Variants in PIKFYVE observed in about 807,000 individuals in gnomAD.
The protein encoded by PIKFYVE is 1-phosphatidylinositol 3-phosphate 5-kinase.
A neutral mutation model predicts 257.9 loss-of-function variants in PIKFYVE; 122 were observed. The observed-to-expected ratio is 0.47, with a 90% CI of 0.41 to 0.55. The LOEUF is 0.55. Among genes scored for constraint, PIKFYVE ranks in the 20% least tolerant of loss-of-function variants. The pLI is 0.00. For missense variants in PIKFYVE, 2,160 were observed against 2,536.6 expected (o/e 0.85, Z 3.19); for synonymous variants, 892 against 868.9 (o/e 1.03, Z -0.47).
intron 34 of PIKFYVE, among the ~76,000 whole-genome samples, 173 bp from the exon 35 acceptor site, chr2:208,347,686 G>A (rs1699356268): frequency 6.6e-6 from 1 of 152,142 alleles, no homozygotes; most frequent in Non-Finnish European, 1.5e-5. Context: ...AAAACAACAT[G>A]TGAAACAATA....
intron 32 of PIKFYVE, 145 bp downstream of exon 32, chr2:208,342,794 CTTTTTTTT>C: frequency 2.6e-6 from 1 of 379,022 alleles, no homozygotes; most frequent in Non-Finnish European, 4.7e-6. Context: ...ATAGCTTGTT[CTTTTTTTT>C]TTTTTTTTTT....
chr2:208,287,127 C>G (rs1209796878), intron 6 of PIKFYVE, among the ~76,000 whole-genome samples: 1 of 151,910 alleles, frequency 6.6e-6, no homozygotes, highest in Admixed American at 6.6e-5. Flanking sequence ...CACAAAACTA[C>G]TACACTGTCT....
In PIKFYVE at chr2:208,325,600, T is replaced by C. The variant is rs770965946; in HGVS notation, c.2789T>C (p.Leu930Pro). The C allele has an allele frequency of 6.2e-7, 1 of 1,614,058 alleles. No homozygotes were observed. The highest frequency in any genetic ancestry group is 8.5e-7 in the Non-Finnish European group (1 of 1,179,956). Residue 930 changes from leucine (L) to proline (P), a missense_variant, in exon 20 of 42, where the codon CTG becomes CCG. By Grantham distance (98) the Leu-to-Pro change is moderately conservative. This residue lies in a region of PIKFYVE where 522 missense variants were observed against 514.6 expected (regional missense o/e 1.01). Transcript: ENST00000264380. ...CTGCCCTGTGATGATAGCAGTTTGC[T>C]GGAATTGAGGATTGTGTTTGAGAAG... ...ESLPCDDSSL[L>P]ELRIVFEKGE...
intron 1 of PIKFYVE, among the ~76,000 whole-genome samples, chr2:208,267,887 T>C (rs1159527541): frequency 2.0e-5 from 3 of 152,016 alleles, no homozygotes; most frequent in African/African-American, 7.2e-5. Flanking sequence ...CAAGGGATTC[T>C]CCTGCCTCGG....
rs774094432 is a variant in PIKFYVE, at chr2:208,351,422, C to T, written c.5682C>T (p.Tyr1894=). ...CCTTCCTCGACTTTGCACCACATTA[C>T]TTCAATTATATTACAAATGCTGTTC... ...VQSFLDFAPH[Y]FNYITNAVQQ... is the part of the protein sequence containing the mutation. Residue 1894 remains tyrosine (Y), a synonymous_variant, in exon 38 of 42, where the codon TAC becomes TAT. Transcript: ENST00000264380. 6.2e-7 allele frequency: 1 copy of T among 1,612,800 alleles called. No individual in the cohort carries two copies. Among genetic ancestry groups the T allele is most frequent in the South Asian group, 1.1e-5 (1 of 91,050 alleles).
intron 14 of PIKFYVE, 36 bp from the exon 15 acceptor site, chr2:208,315,157 A>G: frequency 6.4e-7 from 1 of 1,556,988 alleles, no homozygotes; most frequent in South Asian, 1.1e-5. Context: ...TGGCAGTATT[A>G]ACTATGCAAA....
chr2:208,352,303 C>T (rs1251468217), intron 38 of PIKFYVE, among the ~76,000 whole-genome samples: 1 of 152,052 alleles, frequency 6.6e-6, no homozygotes, highest in Non-Finnish European at 1.5e-5. Context: ...CCCCCCACCC[C>T]ATCCCAACTG....
At position 208,347,915 on chromosome 2, in the gene PIKFYVE, G is replaced by A. The variant is rs200287611; in HGVS notation, c.5266G>A (p.Asp1756Asn). Residue 1756 changes from aspartate (D) to asparagine (N), a missense_variant, in exon 35 of 42, where the codon GAT becomes AAT. Physicochemically the swap from Asp to Asn is conservative, Grantham distance 23. Transcript: ENST00000264380. ...CAGAGGGACAGCAGGGAAAAGCCCC[G>A]ATCTCTCTTCCCAGAAGAGAGAGAC... ...FFRGTAGKSP[D>N]LSSQKRETLR... 7 of 1,613,750 alleles carry A rather than the reference G, an allele frequency of 4.3e-6. No individual in the cohort carries two copies. Among genetic ancestry groups the A allele is most frequent in the African/African-American group, 1.3e-5 (1 of 74,904 alleles).
chr2:208,346,840 G>C (rs982875387), intron 34 of PIKFYVE, among the ~76,000 whole-genome samples: 1 of 152,122 alleles, frequency 6.6e-6, no homozygotes, highest in African/African-American at 2.4e-5. Context: ...ATTCCTTTAC[G>C]TTTTCCTCAT....
chr2:208,313,550 G>T (rs1274920861), intron 13 of PIKFYVE, among the ~76,000 whole-genome samples: 3 of 150,022 alleles, frequency 2.0e-5, no homozygotes, highest in African/African-American at 7.3e-5. Flanking sequence ...CCAGCATTCA[G>T]ATTTCTGTTG....
At chr2:208,305,989 C>T (rs899283356) in intron 12 of PIKFYVE, among the ~76,000 whole-genome samples, 19 of 152,094 alleles carry the variant, frequency 1.2e-4, no homozygotes, top group South Asian at 4.1e-4. Flanking sequence ...CACTCTATTT[C>T]GAGCCTAAGA....
In PIKFYVE at chr2:208,329,909, T is replaced by G. The variant is rs780121462; in HGVS notation, c.3787T>G (p.Phe1263Val). The change falls in exon 22 of 42, where the codon TTC (phenylalanine) becomes GTC (valine). Residue 1263 changes from phenylalanine to valine, a missense_variant. Phe to Val is a conservative substitution (Grantham distance 50). Around this residue, in one of 12 missense-constraint regions of PIKFYVE, gnomAD observed 55 missense variants for 103.0 expected, o/e 0.53. Coordinates refer to ENST00000264380, the MANE Select transcript of PIKFYVE (RefSeq NM_015040.4). ...AGGAATATTTTTAGAGAGATACTGT[T>G]TCAGGTAAGAACATATTTCTTCCTT... is the stretch of plus-strand genomic sequence containing the variant. Reference protein sequence around the residue: ...TLGIFLERYCFRPSYQCPSMF... With the variant: ...TLGIFLERYCVRPSYQCPSMF... The G allele has an allele frequency of 6.2e-7, 1 of 1,610,526 alleles. No homozygotes were observed. Among genetic ancestry groups the G allele is most frequent in the Non-Finnish European group, 8.5e-7 (1 of 1,177,672 alleles).
chr2:208,273,569 G>A lies in PIKFYVE; in HGVS notation c.173-15G>A, dbSNP rs377539776. ...TCTCAGTCTTTAAATAATGCCAAGC[G>A]TTCCCTTGCTACAGAGAGAGCAGAA... On this transcript the variant is annotated splice_polypyrimidine_tract_variant and intron_variant, in intron 2 of 41. Transcript: ENST00000264380. 44 of 1,614,008 alleles carry A rather than the reference G, an allele frequency of 2.7e-5. No homozygotes were observed. Among genetic ancestry groups the A allele is most frequent in the Middle Eastern group, 1.7e-4 (1 of 6,058 alleles).
chr2:208,287,954 T>C (rs1691801567), intron 6 of PIKFYVE, among the ~76,000 whole-genome samples: 1 of 152,132 alleles, frequency 6.6e-6, no homozygotes, highest in African/African-American at 2.4e-5. Context: ...TTTTATACCT[T>C]ACATATATTT....
In PIKFYVE at chr2:208,336,063, C is replaced by G. The variant is rs1467077814; in HGVS notation, c.4383C>G (p.Phe1461Leu). 6.2e-7 allele frequency: 1 copy of G among 1,613,998 alleles called. No homozygotes were observed. Among genetic ancestry groups the G allele is most frequent in the South Asian group, 1.1e-5 (1 of 91,078 alleles). ...FAQKEMEEGE[F>L]KNWIEKMQAR... is the part of the protein sequence containing the mutation. Reference sequence around the variant, plus strand: ...CCTTGTAGATGGAAGAAGGTGAGTTCAAGAACTGGATTGAGAAGATGCAAG... The same window carrying G: ...CCTTGTAGATGGAAGAAGGTGAGTTGAAGAACTGGATTGAGAAGATGCAAG... The change falls in exon 27 of 42, where the codon TTC becomes TTG. Residue 1461 changes from phenylalanine to leucine, a missense_variant. By Grantham distance (22) the Phe-to-Leu change is conservative. Coordinates refer to ENST00000264380, the MANE Select transcript of PIKFYVE (RefSeq NM_015040.4).
Position 208,339,475 on chromosome 2 carries a change from A to C in PIKFYVE, c.4730A>C (p.Gln1577Pro). 2.5e-6 allele frequency: 4 copies of C among 1,613,980 alleles called. No individual in the cohort carries two copies. The highest frequency in any genetic ancestry group is 2.7e-5 in the African/African-American group (2 of 75,002). The change falls in exon 30 of 42, where the codon CAA becomes CCA. Residue 1577 changes from glutamine (Q) to proline (P), a missense_variant. By Grantham distance (76) the Gln-to-Pro change is moderately conservative (BLOSUM62 -1). This residue lies in a region of PIKFYVE where 699 missense variants were observed against 855.8 expected (regional missense o/e 0.82). Transcript: ENST00000264380. The stretch of plus-strand genomic sequence containing the variant: ...AGCTCCACCAGTTCTACTCATCTCC[A>C]ATTGCCTACGCCACCTGAAGTCATG... ...SQSSTSSTHL[Q>P]LPTPPEVMSE...
chr2:208,357,890 G>A lies in PIKFYVE; in HGVS notation c.*2585G>A, dbSNP rs1559191558. ...ATAGTAGCAAGAGAAAACTATGTCA[G>A]TAACATGTTGCTTTGTATAAAAATC... On this transcript the variant is annotated 3_prime_UTR_variant, in exon 42 of 42. Coordinates refer to ENST00000264380, the MANE Select transcript of PIKFYVE (RefSeq NM_015040.4). 6.6e-6 allele frequency: 1 copy of A among 152,108 alleles called. No individual in the cohort carries two copies. The highest frequency in any genetic ancestry group is 1.5e-5 in the Non-Finnish European group (1 of 68,014). 9.4% of individuals were successfully genotyped at this position (152,108 alleles called of 1,614,324 possible).
In PIKFYVE at chr2:208,351,416, A is replaced by T; in HGVS notation, c.5676A>T (p.Pro1892=). The T allele has an allele frequency of 1.2e-6, 2 of 1,613,278 alleles. No homozygotes were observed. Among genetic ancestry groups the T allele is most frequent in the Non-Finnish European group, 1.7e-6 (2 of 1,179,190 alleles). The part of the protein sequence containing the change: ...LEVQSFLDFA[P]HYFNYITNAV... ...TCCAGTCCTTCCTCGACTTTGCACC[A>T]CATTACTTCAATTATATTACAAATG... is the stretch of plus-strand genomic sequence containing the variant. Residue 1892 remains proline, a synonymous_variant, in exon 38 of 42, where the codon CCA becomes CCT. Transcript: ENST00000264380.
intron 5 of PIKFYVE, among the ~76,000 whole-genome samples, chr2:208,284,475 G>C (rs1691278857): frequency 6.6e-6 from 1 of 152,068 alleles, no homozygotes; most frequent in Non-Finnish European, 1.5e-5. Flanking sequence ...TGGCCAGGCT[G>C]GTCTTGGACT....
Sources: allele counts gnomAD v4.1 joint callset (sites outside exome capture counted in the v4.1 genomes callset), GRCh38; gene constraint gnomAD v4.1.1; regional missense constraint gnomAD v4.1.1; transcripts MANE v1.5; gene names NCBI Gene and HGNC (gene_info 2026-07-23, HGNC 2026-07-21).